The following SAMD15 variants were observed in gnomAD, a reference collection of about 807,000 sequenced individuals.
SAMD15 encodes sterile alpha motif domain-containing protein 15.
Under a neutral mutation model 50.5 loss-of-function variants are expected in SAMD15, and 37 were observed. The observed-to-expected ratio is 0.73, with a 90% CI of 0.56 to 0.96. The LOEUF is 0.96. Among genes scored for constraint, SAMD15 ranks in the 40% least tolerant of loss-of-function variants. The pLI is 0.00. For missense variants in SAMD15, 789 were observed against 783.8 expected (o/e 1.01, Z -0.08); for synonymous variants, 255 against 282.8 (o/e 0.90, Z 0.99).
Position 77,378,878 on chromosome 14 carries a change from A to G in SAMD15, c.1460A>G (p.Asn487Ser). Residue 487 changes from asparagine (N) to serine (S), a missense_variant, in exon 1 of 3, where the codon AAT (asparagine) becomes AGT (serine). Around this residue, in one of 2 missense-constraint regions of SAMD15, gnomAD observed 770 missense variants for 745.4 expected, o/e 1.03. Coordinates refer to ENST00000216471, the MANE Select transcript of SAMD15 (RefSeq NM_001010860.4). ...EFLQPLQKLL[N>S]VSEECSYSDP... ...TTGCAACCACTCCAAAAATTGCTTA[A>G]TGTCAGTGAAGAATGCTCATACTCA... 6.2e-7 allele frequency: 1 copy of G among 1,614,040 alleles called. No individual in the cohort carries two copies.
At chr14:77,390,860 A>C in intron 2 of SAMD15, 148 bp from the exon 3 acceptor site, 1 of 649,098 alleles carries the variant, frequency 1.5e-6, no homozygotes, top group South Asian at 1.9e-5. Flanking sequence ...ACTGCACTCC[A>C]GCCTGGGCGA....
At position 77,377,890 on chromosome 14, in the gene SAMD15, G is replaced by C; in HGVS notation, c.472G>C (p.Asp158His). 6.2e-7 allele frequency: 1 copy of C among 1,614,130 alleles called. No individual in the cohort carries two copies. The highest frequency in any genetic ancestry group is 8.5e-7 in the Non-Finnish European group (1 of 1,179,996). ...DVFLESAMET[D>H]PDPVPPTETM... ...GTTCCTAGAGTCAGCTATGGAAACA[G>C]ATCCAGATCCAGTGCCACCAACGGA... Residue 158 changes from aspartate (D) to histidine (H), a missense_variant, in exon 1 of 3, where the codon GAT becomes CAT. By Grantham distance (81) the Asp-to-His change is moderately conservative (BLOSUM62 -1). Coordinates refer to ENST00000216471, the MANE Select transcript of SAMD15 (RefSeq NM_001010860.4).
rs916848945 is a variant in SAMD15 at position 77,392,083 on chromosome 14, A to G, written c.*839A>G. ...AAACAAACAAAACAAAGCAAAACAAAATTCCTGAAAAATTCTAGTAATGCA... is the reference window on the plus strand; with the variant it reads ...AAACAAACAAAACAAAGCAAAACAAGATTCCTGAAAAATTCTAGTAATGCA... On this transcript the variant is annotated 3_prime_UTR_variant, in exon 3 of 3. Transcript: ENST00000216471. Among the ~76,000 whole-genome samples the G allele has an allele frequency of 6.6e-6, 1 of 152,028 alleles. No individual in the cohort carries two copies. Among genetic ancestry groups the G allele is most frequent in the Non-Finnish European group, 1.5e-5 (1 of 67,990 alleles).
intron 2 of SAMD15, among the ~76,000 whole-genome samples, chr14:77,388,671 C>T (rs991833730): frequency 4.6e-5 from 7 of 151,404 alleles, no homozygotes; most frequent in South Asian, 2.1e-4. Context: ...TGCAGTGGTG[C>T]GATCTCAGCT....
At chr14:77,380,987 C>T (rs1893936931) in intron 2 of SAMD15, among the ~76,000 whole-genome samples, 1 of 152,200 alleles carries the variant, frequency 6.6e-6, no homozygotes, top group Non-Finnish European at 1.5e-5. Context: ...GGTCTAACAC[C>T]TTCGCAAACC....
At chr14:77,388,445 G>A (rs1894032488) in intron 2 of SAMD15, among the ~76,000 whole-genome samples, 1 of 149,200 alleles carries the variant, frequency 6.7e-6, no homozygotes, top group Non-Finnish European at 1.5e-5. Flanking sequence ...TTGGAGACAG[G>A]TCTGTTACCT....
chr14:77,385,182 CA>C (rs777335403), intron 2 of SAMD15, among the ~76,000 whole-genome samples: 6 of 151,794 alleles, frequency 4.0e-5, no homozygotes, highest in African/African-American at 1.5e-4. Flanking sequence ...AACTCCATCT[CA>C]AAAAAAGATT....
chr14:77,385,070 C>G (rs2139651607), intron 2 of SAMD15, among the ~76,000 whole-genome samples: 1 of 151,868 alleles, frequency 6.6e-6, no homozygotes, highest in South Asian at 2.1e-4. Flanking sequence ...GTAATCCCAG[C>G]TACTAGGGAG....
At chr14:77,379,572 TA>T (rs1893918689) in intron 1 of SAMD15, among the ~76,000 whole-genome samples, 1 of 152,142 alleles carries the variant, frequency 6.6e-6, no homozygotes, top group South Asian at 2.1e-4. Flanking sequence ...TTTGTATTTT[TA>T]GTAGAGACGG....
chr14:77,390,098 C>T (rs903761127), intron 2 of SAMD15, among the ~76,000 whole-genome samples: 6 of 151,512 alleles, frequency 4.0e-5, no homozygotes, highest in African/African-American at 9.7e-5. Context: ...CAGGTTCAAG[C>T]GATTCTCCGG....
chr14:77,383,990 A>C (rs1893977247), intron 2 of SAMD15, among the ~76,000 whole-genome samples: 4 of 151,332 alleles, frequency 2.6e-5, no homozygotes, highest in Middle Eastern at 3.2e-3. Flanking sequence ...AAAAAAAAAA[A>C]AAAAAAAAAA....
Position 77,378,325 on chromosome 14 carries a change from GAAC to G in SAMD15, c.908_910del (p.Glu303_Leu304delinsVal). ...AAAGGCAACTGAGGAGAAAGGGACA[GAAC>G]TACCTGAGCGGACTAAACCAGACTT... On this transcript the variant is annotated inframe_deletion, in exon 1 of 3. Coordinates refer to ENST00000216471, the MANE Select transcript of SAMD15 (RefSeq NM_001010860.4). 1.9e-6 allele frequency: 3 copies of G among 1,612,402 alleles called. No homozygotes were observed. In the African/African-American group the frequency reaches 4.0e-5, roughly 22 times the overall value.
Position 77,378,894 on chromosome 14 carries a change from C to A in SAMD15, c.1476C>A (p.Cys492Ter), listed in dbSNP as rs771007767. Residue 492 changes from cysteine to a stop codon, truncating the protein, a stop_gained, in exon 1 of 3, where the codon TGC (cysteine) becomes TGA (stop). Transcript: ENST00000216471. LOFTEE classifies it high-confidence loss of function. ...LQKLLNVSEE[C>*]SYSDPSESQT... is the part of the protein sequence containing the mutation. ...AATTGCTTAATGTCAGTGAAGAATGCTCATACTCAGATCCCTCAGAGTCTC... is the reference window on the plus strand; with the variant it reads ...AATTGCTTAATGTCAGTGAAGAATGATCATACTCAGATCCCTCAGAGTCTC... 1.2e-6 allele frequency: 2 copies of A among 1,613,966 alleles called. No individual in the cohort carries two copies. Among genetic ancestry groups the A allele is most frequent in the Non-Finnish European group, 1.7e-6 (2 of 1,179,896 alleles).
intron 2 of SAMD15, among the ~76,000 whole-genome samples, chr14:77,383,204 A>G (rs993865405): frequency 3.3e-5 from 5 of 152,236 alleles, no homozygotes; most frequent in African/African-American, 1.2e-4. Context: ...GAGCAGCCAT[A>G]GTCCTTGACT....
chr14:77,386,889 A>G (rs1894011353), intron 2 of SAMD15, among the ~76,000 whole-genome samples: 1 of 152,196 alleles, frequency 6.6e-6, no homozygotes, highest in South Asian at 2.1e-4. Context: ...ATAATATAGT[A>G]ATAATTGTCT....
In SAMD15 at chr14:77,391,082, T is replaced by A; in HGVS notation, c.1863T>A (p.Tyr621Ter). The change falls in exon 3 of 3, where the codon TAT (tyrosine) becomes TAA (stop). Residue 621 changes from tyrosine (Y) to a stop codon, truncating the protein, a stop_gained. Transcript: ENST00000216471. LOFTEE classifies it low-confidence loss of function (END_TRUNC). ...TCAAACGCTCCATCAGCCTTCCCTATAGGGATATTATCGGCTTATATTTAG... is the reference window on the plus strand; with the variant it reads ...TCAAACGCTCCATCAGCCTTCCCTAAAGGGATATTATCGGCTTATATTTAG... ...PLFKRSISLPYRDIIGLYLEQ... is the reference protein window; with the variant it reads ...PLFKRSISLP The A allele has an allele frequency of 1.2e-6, 2 of 1,614,116 alleles. No individual in the cohort carries two copies. The highest frequency in any genetic ancestry group is 3.3e-5 in the Admixed American group (2 of 60,022).
chr14:77,383,446 T>C (rs937743086), intron 2 of SAMD15, among the ~76,000 whole-genome samples: 3 of 152,216 alleles, frequency 2.0e-5, no homozygotes, highest in Admixed American at 6.5e-5. Flanking sequence ...TTTTCTTATC[T>C]TGCGAGACAC....
At chr14:77,380,531 A>G (rs760856732) in intron 2 of SAMD15, 50 bp downstream of exon 2, 1 of 1,284,668 alleles carries the variant, frequency 7.8e-7, no homozygotes, top group African/African-American at 1.5e-5. Context: ...CAGTGCCACC[A>G]TCTGTCTCAA....
chr14:77,379,869 C>G (rs1893921486), intron 1 of SAMD15, among the ~76,000 whole-genome samples: 1 of 152,180 alleles, frequency 6.6e-6, no homozygotes, highest in African/African-American at 2.4e-5. Context: ...TGTATTAATT[C>G]AAGTTAGCCA....
Sources: gnomAD v4.1 joint callset for allele counts (sites outside exome capture counted in the v4.1 genomes callset) on GRCh38, gnomAD v4.1.1 for gene constraint, gnomAD v4.1.1 regional missense constraint, MANE v1.5 for transcripts, NCBI Gene and HGNC (gene_info 2026-07-23, HGNC 2026-07-21) for gene names.